The following CFAP45 variants were observed in gnomAD, a reference collection of about 807,000 sequenced individuals.
CFAP45 encodes the protein cilia and flagella associated protein 45.
A neutral mutation model predicts 75.6 loss-of-function variants in CFAP45; 43 were observed. The ratio of observed to expected loss-of-function variants is 0.57; its 90% CI spans 0.45 to 0.73. The LOEUF is 0.73. Ranked by LOEUF, CFAP45 falls within the 30% of genes least tolerant of loss-of-function variation. CFAP45 has a pLI of 0.00. For synonymous variants in CFAP45, 223 were observed against 244.6 expected (o/e 0.91, Z 0.82); for missense variants, 689 against 701.5 (o/e 0.98, Z 0.20).
At chr1:159,888,776 C>T (rs1031241030) in intron 3 of CFAP45, among the ~76,000 whole-genome samples, 2 of 143,582 alleles carry the variant, frequency 1.4e-5, no homozygotes, top group African/African-American at 5.0e-5. Flanking sequence ...ATCATGTCCA[C>T]ATGTGCCCAC....
chr1:159,883,155 T>G (rs1649589019), intron 7 of CFAP45, among the ~76,000 whole-genome samples: 1 of 152,178 alleles, frequency 6.6e-6, no homozygotes, highest in East Asian at 1.9e-4. Context: ...GAGAGAATCG[T>G]AAAAGAATAC....
chr1:159,890,269 T>C lies in CFAP45; in HGVS notation c.272+211A>G, dbSNP rs149226293. Among the ~76,000 whole-genome samples, 496 of 152,030 alleles carry C rather than the reference T, an allele frequency of 3.3e-3. 1 individual carries two copies. Among genetic ancestry groups the C allele is most frequent in the African/African-American group, 0.012 (478 of 41,456 alleles). ...CAATGAAGCTGAGAATAAAGGACAGTGGCAATAATAGATACAACAATGGGA... is the reference window on the plus strand; with the variant it reads ...CAATGAAGCTGAGAATAAAGGACAGCGGCAATAATAGATACAACAATGGGA... On this transcript the variant is annotated intron_variant, in intron 3 of 11. Transcript: ENST00000368099.
At chr1:159,880,144 A>C (rs1286677235) in intron 8 of CFAP45, among the ~76,000 whole-genome samples, 1 of 152,212 alleles carries the variant, frequency 6.6e-6, no homozygotes, top group Non-Finnish European at 1.5e-5. Flanking sequence ...TCTAGCACCC[A>C]ATACAGGATG....
At chr1:159,894,389 T>C (rs1649900167) in intron 1 of CFAP45, among the ~76,000 whole-genome samples, 1 of 152,214 alleles carries the variant, frequency 6.6e-6, no homozygotes, top group South Asian at 2.1e-4. Context: ...CAAGTCTTTC[T>C]CACAAATGAC....
chr1:159,892,502 G>A (rs1360628655), intron 2 of CFAP45, among the ~76,000 whole-genome samples: 1 of 152,068 alleles, frequency 6.6e-6, no homozygotes, highest in Non-Finnish European at 1.5e-5. Flanking sequence ...AGGCATTCAG[G>A]TCACTACTAG....
chr1:159,880,512 C>T (rs1490139392), intron 8 of CFAP45, 42 bp downstream of exon 8: 2 of 1,583,984 alleles, frequency 1.3e-6, no homozygotes, highest in African/African-American at 2.7e-5. Context: ...CTGTGACAGA[C>T]ATTCCATTCC....
At chr1:159,896,506 G>A (rs1036059897) in intron 1 of CFAP45, among the ~76,000 whole-genome samples, 1 of 152,218 alleles carries the variant, frequency 6.6e-6, no homozygotes, top group African/African-American at 2.4e-5. Context: ...AAAAAATGAA[G>A]AATCAAGCAC....
intron 10 of CFAP45, 100 bp from the exon 11 acceptor site, chr1:159,873,268 G>A: frequency 3.3e-6 from 3 of 909,986 alleles, no homozygotes; most frequent in Non-Finnish European, 3.4e-6. Context: ...CAGTAGACAT[G>A]CCTCAGAGAC....
chr1:159,878,052 G>T (rs924583175), intron 8 of CFAP45, among the ~76,000 whole-genome samples: 2 of 152,148 alleles, frequency 1.3e-5, no homozygotes, highest in Non-Finnish European at 2.9e-5. Context: ...GAAACGGATG[G>T]TCAGAAAGAT....
rs1571186033 is a variant in CFAP45 at position 159,887,841 on chromosome 1, C to T, written c.588G>A (p.Lys196=). The T allele has an allele frequency of 6.2e-7, 1 of 1,610,076 alleles. No individual in the cohort carries two copies. The highest frequency in any genetic ancestry group is 1.3e-5 in the African/African-American group (1 of 74,960). ...EQEEELKDMS[K]IILNAKCHAI... ...GGGAAGGGAGAGACGAAGAGCCCACCTTGCTCATGTCCTTGAGCTCCTCCT... is the reference window on the plus strand; with the variant it reads ...GGGAAGGGAGAGACGAAGAGCCCACTTTGCTCATGTCCTTGAGCTCCTCCT... The change falls in exon 5 of 12, where the codon AAG becomes AAA. Residue 196 remains lysine (K), a splice_region_variant and synonymous_variant. Transcript: ENST00000368099.
chr1:159,897,267 A>AAAT (rs1357523992), intron 1 of CFAP45, among the ~76,000 whole-genome samples: 3 of 151,690 alleles, frequency 2.0e-5, no homozygotes, highest in Non-Finnish European at 4.4e-5. Flanking sequence ...CTGTCTCAAA[A>AAAT]AATAATAATA....
intron 1 of CFAP45, among the ~76,000 whole-genome samples, chr1:159,899,828 G>A (rs1650032972): frequency 6.6e-6 from 1 of 152,140 alleles, no homozygotes; most frequent in Non-Finnish European, 1.5e-5. Context: ...CCGCTGTAAT[G>A]GCAACGGGGA....
intron 2 of CFAP45, 39 bp downstream of exon 2, chr1:159,893,141 G>T: frequency 6.2e-7 from 1 of 1,610,084 alleles, no homozygotes; most frequent in Non-Finnish European, 8.5e-7. Flanking sequence ...GCCTCTGCCT[G>T]CAGGTGGCAT....
intron 8 of CFAP45, among the ~76,000 whole-genome samples, chr1:159,880,019 A>G (rs1649513028): frequency 6.6e-6 from 1 of 152,184 alleles, no homozygotes; most frequent in African/African-American, 2.4e-5. Context: ...GAGCTGACAC[A>G]TTCATGAGCT....
chr1:159,884,172 G>T (rs1649619535), intron 7 of CFAP45, among the ~76,000 whole-genome samples: 1 of 152,158 alleles, frequency 6.6e-6, no homozygotes, highest in South Asian at 2.1e-4. Context: ...TTTCCTTTAT[G>T]TGTCTATTCA....
chr1:159,875,272 C>A (rs1167053480), intron 10 of CFAP45, among the ~76,000 whole-genome samples: 1 of 152,116 alleles, frequency 6.6e-6, no homozygotes, highest in Non-Finnish European at 1.5e-5. Flanking sequence ...GGCATAGAGG[C>A]CAGGGAGGAG....
In CFAP45 at chr1:159,876,398, T is replaced by C. The variant is rs562180134; in HGVS notation, c.1352+158A>G. On this transcript the variant is annotated intron_variant, in intron 10 of 11. Transcript: ENST00000368099. ...CATAATTCTTGGCTCAAGTGATTTT[T>C]AAAAGTTTCAATCATCCATCTAGTT... 167 of 625,048 alleles carry C rather than the reference T, an allele frequency of 2.7e-4. No individual in the cohort carries two copies. The East Asian group carries it at 4.6e-3, about 17-fold the overall frequency. The allele number at this position is 625,048 out of a possible 1,614,324, so 38.7% of individuals were successfully genotyped here. A position where few individuals can be genotyped will look rare whatever the true frequency, so the allele number is the denominator to read the frequency against.
Position 159,872,432 on chromosome 1 carries a change from G to T in CFAP45, c.*53C>A, listed in dbSNP as rs1649300601. On this transcript the variant is annotated 3_prime_UTR_variant, in exon 12 of 12. Coordinates refer to ENST00000368099, the MANE Select transcript of CFAP45 (RefSeq NM_012337.3). ...TTAGCAGCAATTATGGATGCCCAGA[G>T]ACTGGGCAGAATCTGTCCCCCGAAG... is the stretch of plus-strand genomic sequence containing the variant. The T allele has an allele frequency of 2.3e-6, 3 of 1,321,908 alleles. No homozygotes were observed. The highest frequency in any genetic ancestry group is 3.4e-5 in the Admixed American group (2 of 59,598). 81.9% of individuals were successfully genotyped at this position (1,321,908 alleles called of 1,614,324 possible).
chr1:159,896,949 TTG>T lies in CFAP45; in HGVS notation c.3+3145_3+3146del, dbSNP rs573453202. ...AGGATGATCTCCATAACTTGTTAAG[TTG>T]TAAAGAAAACAGACTGTAAGAAACG... On this transcript the variant is annotated intron_variant, in intron 1 of 11. Coordinates refer to ENST00000368099, the MANE Select transcript of CFAP45 (RefSeq NM_012337.3). 1.4e-4 allele frequency among the ~76,000 whole-genome samples: 21 copies of T among 152,282 alleles called. No homozygotes were observed. The South Asian group carries it at 4.4e-3, about 32-fold the overall frequency.
Sources: allele counts gnomAD v4.1 joint callset (sites outside exome capture counted in the v4.1 genomes callset), GRCh38; gene constraint gnomAD v4.1.1; transcripts MANE v1.5; gene names NCBI Gene and HGNC (gene_info 2026-07-23, HGNC 2026-07-21).